Variants in IFT140 observed in about 807,000 individuals in gnomAD.
IFT140 encodes the protein intraflagellar transport protein 140 homolog.
In IFT140, 133 loss-of-function variants were observed where a neutral mutation model predicts 164.6. That is an observed-to-expected ratio of 0.81 (90% confidence interval 0.70 to 0.93). The LOEUF is 0.93. IFT140 is among the 40% of genes least tolerant of loss of function. The pLI is 0.00. For missense variants in IFT140, 2,045 were observed against 1,972.3 expected (o/e 1.04, Z -0.70); for synonymous variants, 860 against 817.3 (o/e 1.05, Z -0.89).
intron 30 of IFT140, among the ~76,000 whole-genome samples, chr16:1,512,260 G>T (rs2040192707): frequency 6.6e-6 from 1 of 151,356 alleles, no homozygotes; most frequent in African/African-American, 2.4e-5. Flanking sequence ...GCGGTGGAGG[G>T]CAGGACGTGG....
chr16:1,512,235 G>A (rs1272938040), intron 30 of IFT140, among the ~76,000 whole-genome samples: 6 of 144,070 alleles, frequency 4.2e-5, no homozygotes, highest in South Asian at 4.6e-4. Flanking sequence ...GACAGGCGGC[G>A]TAGGTGGGTG....
intron 2 of IFT140, among the ~76,000 whole-genome samples, chr16:1,608,517 C>T (rs923683556): frequency 1.3e-5 from 2 of 151,374 alleles, no homozygotes; most frequent in African/African-American, 4.9e-5. Context: ...CCTGTAATTC[C>T]AGCTACTCCG....
Position 1,523,747 on chromosome 16 carries a change from C to G in IFT140, c.3271-47G>C, listed in dbSNP as rs370345087. The G allele has an allele frequency of 2.1e-5, 33 of 1,605,702 alleles. No individual in the cohort carries two copies. In the Admixed American group the frequency reaches 5.0e-4, roughly 24 times the overall value. On this transcript the variant is annotated intron_variant, in intron 25 of 30. Coordinates refer to ENST00000426508, the MANE Select transcript of IFT140 (RefSeq NM_014714.4). ...AGCAGCTGCCCGAGGCCTGGGGGCC[C>G]GAGCACGGAGGCCTCGCACAGGCAA... is the stretch of plus-strand genomic sequence containing the variant.
Position 1,553,133 on chromosome 16 carries a change from G to A in IFT140, c.2399+4802C>T, listed in dbSNP as rs934731834. 1 of 985,248 alleles carries A rather than the reference G, an allele frequency of 1.0e-6. No individual in the cohort carries two copies. The highest frequency in any genetic ancestry group is 1.7e-5 in the African/African-American group (1 of 57,202). 61.0% of individuals were successfully genotyped at this position (985,248 alleles called of 1,614,324 possible). On this transcript the variant is annotated intron_variant, in intron 19 of 30. Coordinates refer to ENST00000426508, the MANE Select transcript of IFT140 (RefSeq NM_014714.4). This position sits in a 1 kb window ranked among gnomAD's most constrained non-coding sequence, Gnocchi z 4.4. Reference sequence around the variant, plus strand: ...GGTACAGTGATGATGAAAAGATAATGCTTGGGTTTTTAGGAAAAACAAGGC... The same window carrying A: ...GGTACAGTGATGATGAAAAGATAATACTTGGGTTTTTAGGAAAAACAAGGC...
chr16:1,528,335 GCACACACA>G lies in IFT140; in HGVS notation c.2400-1547_2400-1540del, dbSNP rs774594216. ...CACACGCACGCATGCACGCACGTGT[GCACACACA>G]CGCATGCACGCACGTGTGCACACAC... On this transcript the variant is annotated intron_variant, in intron 19 of 30. Coordinates refer to ENST00000426508, the MANE Select transcript of IFT140 (RefSeq NM_014714.4). Among the ~76,000 whole-genome samples, 189 of 103,320 alleles carry G rather than the reference GCACACACA, an allele frequency of 1.8e-3. 1 individual carries two copies. Among genetic ancestry groups the G allele is most frequent in the African/African-American group, 7.5e-3 (180 of 23,908 alleles). The allele number at this position is 103,320 out of a possible 152,430, so 67.8% of individuals were successfully genotyped here.
At chr16:1,577,932 A>C (rs976783687) in intron 13 of IFT140, 1 of 151,940 alleles carries the variant, frequency 6.6e-6, no homozygotes, top group Non-Finnish European at 1.5e-5. Context: ...TCAGAGAGGC[A>C]TAGGTAAAAA....
At chr16:1,528,971 G>A (rs1215185617) in intron 19 of IFT140, among the ~76,000 whole-genome samples, 1 of 152,202 alleles carries the variant, frequency 6.6e-6, no homozygotes, top group Non-Finnish European at 1.5e-5. Context: ...CAGAATCACA[G>A]GGCAATGGCT....
chr16:1,558,014 C>T lies in IFT140; in HGVS notation c.2320G>A (p.Asp774Asn). The T allele has an allele frequency of 6.2e-7, 1 of 1,613,952 alleles. No homozygotes were observed. Among genetic ancestry groups the T allele is most frequent in the Admixed American group, 1.7e-5 (1 of 60,004 alleles). Reference sequence around the variant, plus strand: ...AAGAAGCTGAAGTGGAGCATGGCGTCCCGGGTGGCCTTGTCGCAGTCCTCC... The same window carrying T: ...AAGAAGCTGAAGTGGAGCATGGCGTTCCGGGTGGCCTTGTCGCAGTCCTCC... ...GLEDCDKATR[D>N]AMLHFSFFVT... Residue 774 changes from aspartate to asparagine, a missense_variant, in exon 19 of 31, where the codon GAC becomes AAC. Asp to Asn is a conservative substitution (Grantham distance 23). Coordinates refer to ENST00000426508, the MANE Select transcript of IFT140 (RefSeq NM_014714.4).
intron 13 of IFT140, chr16:1,578,348 A>T (rs1392918772): frequency 2.0e-5 from 3 of 152,206 alleles, no homozygotes; most frequent in Non-Finnish European, 1.5e-5. Context: ...GGTCCCAAGA[A>T]GGAACTTGGA....
At chr16:1,560,874 G>C (rs1223437424) in intron 18 of IFT140, among the ~76,000 whole-genome samples, 2 of 152,218 alleles carry the variant, frequency 1.3e-5, no homozygotes, top group Middle Eastern at 3.2e-3. Context: ...CAGTAAACAG[G>C]AAGAGGCAGA....
chr16:1,525,152 G>C, intron 22 of IFT140, 79 bp downstream of exon 22: 1 of 1,282,730 alleles, frequency 7.8e-7, no homozygotes, highest in Non-Finnish European at 1.1e-6. Flanking sequence ...GGGAAAGGGA[G>C]CCGTCTCAGC....
chr16:1,540,789 G>A (rs1165533699), intron 19 of IFT140: 3 of 974,304 alleles, frequency 3.1e-6, no homozygotes, highest in Non-Finnish European at 3.7e-6. Context: ...TGTTTATAAC[G>A]ACTTAGTTTT....
intron 2 of IFT140, among the ~76,000 whole-genome samples, chr16:1,607,945 A>T (rs2036157257): frequency 6.6e-6 from 1 of 152,222 alleles, no homozygotes; most frequent in Non-Finnish European, 1.5e-5. Flanking sequence ...ACTGCCTTTT[A>T]AACAACATTT....
chr16:1,530,586 C>A (rs1209639621), intron 19 of IFT140: 1 of 152,020 alleles, frequency 6.6e-6, no homozygotes, highest in Non-Finnish European at 1.5e-5. Flanking sequence ...CCGTCCACAT[C>A]CAATTGCGGT....
chr16:1,519,796 T>C, intron 29 of IFT140, 85 bp downstream of exon 29: 1 of 1,336,600 alleles, frequency 7.5e-7, no homozygotes, highest in Non-Finnish European at 9.9e-7. Context: ...GTCCTGCCCT[T>C]TTGCTGGCTG....
intron 8 of IFT140, 67 bp from the exon 9 acceptor site, chr16:1,587,371 T>C: frequency 1.0e-6 from 1 of 983,006 alleles, no homozygotes; most frequent in South Asian, 1.3e-5. Context: ...GAGGGGTTTT[T>C]GAACCTGTGG....
chr16:1,576,755 G>C (rs1047043817), intron 13 of IFT140: 4 of 152,156 alleles, frequency 2.6e-5, no homozygotes, highest in African/African-American at 9.7e-5. Context: ...CGTCCATAAA[G>C]TATACACAAA....
In IFT140 at chr16:1,524,686, T is replaced by G; in HGVS notation, c.3007A>C (p.Ile1003Leu). The change falls in exon 24 of 31, where the codon ATA becomes CTA. Residue 1003 changes from isoleucine (I) to leucine (L), a missense_variant. Physicochemically the swap from Ile to Leu is conservative, Grantham distance 5 (BLOSUM62 2). Coordinates refer to ENST00000426508, the MANE Select transcript of IFT140 (RefSeq NM_014714.4). ...GCCAGGTTTCCTGTCTCGTTGGCTA[T>G]TTGCGCAGCCTAGAAAGACAAAGAA... Reference protein sequence around the residue: ...FQGNVQKAAQIANETGNLAAS... With the variant: ...FQGNVQKAAQLANETGNLAAS... 1 of 1,575,224 alleles carries G rather than the reference T, an allele frequency of 6.3e-7. No homozygotes were observed. The highest frequency in any genetic ancestry group is 8.7e-7 in the Non-Finnish European group (1 of 1,155,200).
At chr16:1,552,015 C>A (rs1297577361) in intron 19 of IFT140, among the ~76,000 whole-genome samples, 3 of 152,162 alleles carry the variant, frequency 2.0e-5, no homozygotes, top group African/African-American at 4.8e-5. Context: ...GGAAACTGAC[C>A]CCCACGGCAA....
Sources: gnomAD v4.1 joint callset for allele counts (sites outside exome capture counted in the v4.1 genomes callset) on GRCh38, gnomAD v4.1.1 for gene constraint, Gnocchi (gnomAD v3.1) non-coding constraint, MANE v1.5 for transcripts, NCBI Gene and HGNC (gene_info 2026-07-23, HGNC 2026-07-21) for gene names.